The following B3GALNT2 variants were observed in gnomAD, a reference collection of about 807,000 sequenced individuals.
The protein encoded by B3GALNT2 is UDP-GalNAc:beta-1,3-N-acetylgalactosaminyltransferase 2.
In B3GALNT2, 53 loss-of-function variants were observed where a neutral mutation model predicts 61.1. The observed-to-expected ratio is 0.87, with a 90% CI of 0.70 to 1.09. B3GALNT2 has a LOEUF of 1.09. B3GALNT2 is among the 50% of genes least tolerant of loss of function. The pLI is 0.00. For missense variants in B3GALNT2, 544 were observed against 623.0 expected, an observed-to-expected ratio of 0.87 and a Z score of 1.35; for synonymous variants, 223 against 237.4, an observed-to-expected ratio of 0.94 and a Z score of 0.56.
chr1:235,465,649 T>C lies in B3GALNT2; in HGVS notation c.828A>G (p.Ile276Met). Reference protein sequence around the residue: ...EGVEGVAGGFIYTIQEGDALL... With the variant: ...EGVEGVAGGFMYTIQEGDALL... ...TAGCAAACTTACCCTGAATAGTATA[T>C]ATAAAACCACCTGCAACTCCCTCCA... The change falls in exon 7 of 12, where the codon ATA (isoleucine) becomes ATG (methionine). Residue 276 changes from isoleucine (I) to methionine (M), a missense_variant. Ile to Met is a conservative substitution (Grantham distance 10, BLOSUM62 1). Coordinates refer to ENST00000366600, the MANE Select transcript of B3GALNT2 (RefSeq NM_152490.5). The C allele has an allele frequency of 3.7e-6, 6 of 1,614,060 alleles. No individual in the cohort carries two copies. The highest frequency in any genetic ancestry group is 4.2e-6 in the Non-Finnish European group (5 of 1,179,992).
At chr1:235,502,884 T>C (rs1572572313) in intron 1 of B3GALNT2, among the ~76,000 whole-genome samples, 1 of 152,334 alleles carries the variant, frequency 6.6e-6, no homozygotes, top group East Asian at 1.9e-4. Context: ...TTAGTTCACT[T>C]CACAAAAACC....
In B3GALNT2 at chr1:235,453,320, T is replaced by C. The variant is rs569710848; in HGVS notation, c.1312-174A>G. On this transcript the variant is annotated intron_variant, in intron 10 of 11. Coordinates refer to ENST00000366600, the MANE Select transcript of B3GALNT2 (RefSeq NM_152490.5). Reference sequence around the variant, plus strand: ...TGAAGTCAAAGCTAGTGGTCTTTAATATGAAGCACCCCTGCCACAAGGTAA... The same window carrying C: ...TGAAGTCAAAGCTAGTGGTCTTTAACATGAAGCACCCCTGCCACAAGGTAA... Among the ~76,000 whole-genome samples the C allele has an allele frequency of 7.2e-5, 11 of 152,268 alleles. No individual in the cohort carries two copies. The East Asian group carries it at 2.1e-3, about 29-fold the overall frequency.
intron 6 of B3GALNT2, chr1:235,465,927 C>T (rs189185711): frequency 1.9e-6 from 1 of 517,368 alleles, no homozygotes; most frequent in African/African-American, 1.9e-5. Context: ...AAGATATACC[C>T]AACATTCCAT....
chr1:235,442,929 GTCTT>G, downstream of B3GALNT2: 1 of 1,613,802 alleles, frequency 6.2e-7, no homozygotes, highest in Non-Finnish European at 8.5e-7. Context: ...GAACCAGCCT[GTCTT>G]TTCCTTAAAC....
chr1:235,461,513 T>TG (rs1270135854), intron 7 of B3GALNT2, among the ~76,000 whole-genome samples: 3 of 130,158 alleles, frequency 2.3e-5, no homozygotes, highest in African/African-American at 5.9e-5. Flanking sequence ...TCCTGTTTTT[T>TG]TTTTTTTTTT....
At chr1:235,457,364 G>A (rs1683216416) in intron 8 of B3GALNT2, among the ~76,000 whole-genome samples, 1 of 152,102 alleles carries the variant, frequency 6.6e-6, no homozygotes, top group Non-Finnish European at 1.5e-5. Context: ...ACCCTTTATA[G>A]GTTTGGCCTA....
intron 11 of B3GALNT2, chr1:235,450,674 A>T (rs1682843838): frequency 4.0e-6 from 1 of 251,014 alleles, no homozygotes; most frequent in African/African-American, 2.2e-5. Flanking sequence ...AGTATTAGTA[A>T]CAGCTATTAT....
chr1:235,503,194 G>A (rs1440952653), intron 1 of B3GALNT2, among the ~76,000 whole-genome samples: 2 of 152,160 alleles, frequency 1.3e-5, no homozygotes, highest in Non-Finnish European at 2.9e-5. Flanking sequence ...GCTGTTTTGG[G>A]GAGAGATGGT....
chr1:235,464,210 T>G (rs2102800694), intron 7 of B3GALNT2: 1 of 152,322 alleles, frequency 6.6e-6, no homozygotes, highest in Non-Finnish European at 1.5e-5. Context: ...CAAAAACATG[T>G]GACAAAATTG....
intron 1 of B3GALNT2, among the ~76,000 whole-genome samples, chr1:235,498,590 G>A (rs1685438802): frequency 6.6e-6 from 1 of 152,056 alleles, no homozygotes; most frequent in South Asian, 2.1e-4. Context: ...TATAATCCCA[G>A]CTTCAATTTT....
intron 8 of B3GALNT2, among the ~76,000 whole-genome samples, chr1:235,455,956 G>A (rs1572485891): frequency 1.3e-5 from 2 of 152,124 alleles, no homozygotes; most frequent in East Asian, 3.8e-4. Flanking sequence ...TGGCTTAAAT[G>A]GAACATATGT....
intron 4 of B3GALNT2, 121 bp downstream of exon 4, chr1:235,484,201 G>C: frequency 1.5e-6 from 2 of 1,376,276 alleles, no homozygotes; most frequent in Non-Finnish European, 1.9e-6. Flanking sequence ...GAAGAAAGGT[G>C]AAAGTCTCTC....
At chr1:235,471,725 C>T (rs572535535) in intron 5 of B3GALNT2, among the ~76,000 whole-genome samples, 3 of 152,166 alleles carry the variant, frequency 2.0e-5, no homozygotes, top group African/African-American at 2.4e-5. Flanking sequence ...TGCAATGGTG[C>T]GATCATGGCT....
At position 235,469,790 on chromosome 1, in the gene B3GALNT2, G is replaced by A. The variant is rs545133647; in HGVS notation, c.762+1060C>T. On this transcript the variant is annotated intron_variant, in intron 6 of 11. Coordinates refer to ENST00000366600, the MANE Select transcript of B3GALNT2 (RefSeq NM_152490.5). ...TTGGCCAGGCTGGTCTTGACCTCCT[G>A]ACCTCCAGTGGTCCACCCACCTTAG... is the stretch of plus-strand genomic sequence containing the variant. Among the ~76,000 whole-genome samples, 3 of 151,548 alleles carry A rather than the reference G, an allele frequency of 2.0e-5. No individual in the cohort carries two copies. The East Asian group carries it at 5.8e-4, about 29-fold the overall frequency.
intron 8 of B3GALNT2, among the ~76,000 whole-genome samples, chr1:235,457,867 G>A (rs1021143058): frequency 5.3e-5 from 8 of 151,408 alleles, no homozygotes; most frequent in African/African-American, 1.5e-4. Flanking sequence ...TGAGACAACC[G>A]AGGCAAGCAG....
chr1:235,442,309 T>C (rs1333392747), downstream of B3GALNT2, among the ~76,000 whole-genome samples: 1 of 152,210 alleles, frequency 6.6e-6, no homozygotes, highest in Non-Finnish European at 1.5e-5. Context: ...TAGCTGGGAT[T>C]ACAGGCATGC....
intron 4 of B3GALNT2, among the ~76,000 whole-genome samples, chr1:235,482,596 G>A (rs1301032562): frequency 6.7e-6 from 1 of 149,358 alleles, no homozygotes; most frequent in Non-Finnish European, 1.5e-5. Flanking sequence ...CAATTTAGCT[G>A]CCTGCTAAAA....
chr1:235,442,716 GA>G (rs1161779477), downstream of B3GALNT2: 1 of 772,044 alleles, frequency 1.3e-6, no homozygotes, highest in Admixed American at 2.3e-5. Context: ...TTAATAGAAA[GA>G]ATTTTAAACA....
intron 5 of B3GALNT2, among the ~76,000 whole-genome samples, chr1:235,475,133 G>T (rs997807649): frequency 1.3e-5 from 2 of 149,990 alleles, no homozygotes; most frequent in Non-Finnish European, 3.0e-5. Context: ...TGGTAGCTGG[G>T]ACTACAGGCA....
Sources: gnomAD v4.1 joint callset for allele counts (sites outside exome capture counted in the v4.1 genomes callset) on GRCh38, gnomAD v4.1.1 for gene constraint, MANE v1.5 for transcripts, NCBI Gene and HGNC (gene_info 2026-07-23, HGNC 2026-07-21) for gene names.